Variants in SLC9C1 observed in about 807,000 individuals in gnomAD.
SLC9C1 encodes the protein solute carrier family 9 member C1.
Under a neutral mutation model 140.9 loss-of-function variants are expected in SLC9C1, and 97 were observed. The ratio of observed to expected loss-of-function variants is 0.69; its 90% CI spans 0.58 to 0.82. The LOEUF (loss-of-function observed/expected upper bound fraction) is 0.82. SLC9C1 is among the 40% of genes least tolerant of loss of function. The pLI is 0.00. For missense variants in SLC9C1, 1,340 were observed against 1,389.3 expected (o/e 0.96, Z 0.56); for synonymous variants, 440 against 442.6 (o/e 0.99, Z 0.07).
chr3:112,207,496 A>G (rs554519494), intron 16 of SLC9C1, among the ~76,000 whole-genome samples: 1 of 152,176 alleles, frequency 6.6e-6, no homozygotes, highest in South Asian at 2.1e-4. Context: ...TTTAATTCAC[A>G]TCTATGTCTC....
chr3:112,218,126 T>C (rs1172017032), intron 14 of SLC9C1, among the ~76,000 whole-genome samples: 2 of 151,562 alleles, frequency 1.3e-5, no homozygotes, highest in Non-Finnish European at 1.5e-5. Context: ...AAGAGCTCAA[T>C]GTCATTTTGG....
At chr3:112,237,645 A>T (rs1000711016) in intron 12 of SLC9C1, among the ~76,000 whole-genome samples, 2 of 152,162 alleles carry the variant, frequency 1.3e-5, no homozygotes, top group African/African-American at 4.8e-5. Flanking sequence ...CTTGTAGGGC[A>T]GGCCTGGTGG....
At chr3:112,233,266 G>T (rs1206784421) in intron 12 of SLC9C1, among the ~76,000 whole-genome samples, 1 of 151,560 alleles carries the variant, frequency 6.6e-6, no homozygotes, top group African/African-American at 2.4e-5. Context: ...CATGGTTTTG[G>T]CATGTTGCCA....
chr3:112,179,650 C>G lies in SLC9C1; in HGVS notation c.2800G>C (p.Glu934Gln), dbSNP rs149952948. ...GTGTCAATTATCGGAAAATCTTTCT[C>G]CTTTGACTCCACCATTTGATCAATC... ...LGIDQMVESKEKDFPIIDTDY... is the reference protein window; with the variant it reads ...LGIDQMVESKQKDFPIIDTDY... Residue 934 changes from glutamate to glutamine, a missense_variant, in exon 23 of 29, where the codon GAG (glutamate) becomes CAG (glutamine). Coordinates refer to ENST00000305815, the MANE Select transcript of SLC9C1 (RefSeq NM_183061.3). 2.5e-6 allele frequency: 4 copies of G among 1,611,274 alleles called. No homozygotes were observed. In the Admixed American group the frequency reaches 6.7e-5, roughly 27 times the overall value.
In SLC9C1 at chr3:112,180,597, T is replaced by A; in HGVS notation, c.2715A>T (p.Lys905Asn). ...TGCCTGAAATAATGATATAGATTCCTTTGGGCTCATCACCTTCTTCAAATA... is the reference window on the plus strand; with the variant it reads ...TGCCTGAAATAATGATATAGATTCCATTGGGCTCATCACCTTCTTCAAATA... The part of the protein sequence containing the change: ...NDIFEEGDEP[K>N]GIYIIISGMV... The change falls in exon 22 of 29, where the codon AAA becomes AAT. Residue 905 changes from lysine to asparagine, a missense_variant. Coordinates refer to ENST00000305815, the MANE Select transcript of SLC9C1 (RefSeq NM_183061.3). The A allele has an allele frequency of 6.2e-7, 1 of 1,613,226 alleles. No individual in the cohort carries two copies. The highest frequency in any genetic ancestry group is 1.1e-5 in the South Asian group (1 of 90,760).
intron 13 of SLC9C1, among the ~76,000 whole-genome samples, chr3:112,227,659 T>G (rs2078717999): frequency 2.0e-5 from 3 of 152,056 alleles, no homozygotes; most frequent in Admixed American, 2.0e-4. Context: ...AATCTTATAT[T>G]TAGGAAAGCT....
rs1560110898 is a variant in SLC9C1, at chr3:112,239,598, A to AATTG, written c.1446+241_1446+242insCAAT. On this transcript the variant is annotated intron_variant, in intron 12 of 28. Coordinates refer to ENST00000305815, the MANE Select transcript of SLC9C1 (RefSeq NM_183061.3). ...GTTCCTATTTGGCCATCTTGGAACC[A>AATTG]TGCCCCCAAAACATATATTTTAAAC... is the stretch of plus-strand genomic sequence containing the variant. Among the ~76,000 whole-genome samples, 143 of 151,858 alleles carry AATTG rather than the reference A, an allele frequency of 9.4e-4. 1 individual carries two copies. In the East Asian group the frequency reaches 0.027, roughly 28 times the overall value.
rs1393592352 is a variant in SLC9C1, at chr3:112,161,251, C to G, written c.3364+5970G>C. ...TTCACTCTGATGGTAGTTTCTTTTG[C>G]TGTGCGGAAGCTCTTTAGTTTAATT... On this transcript the variant is annotated intron_variant, in intron 26 of 28. Coordinates refer to ENST00000305815, the MANE Select transcript of SLC9C1 (RefSeq NM_183061.3). 7.2e-5 allele frequency among the ~76,000 whole-genome samples: 11 copies of G among 152,284 alleles called. No homozygotes were observed. The East Asian group carries it at 2.1e-3, about 29-fold the overall frequency.
intron 20 of SLC9C1, among the ~76,000 whole-genome samples, chr3:112,197,283 C>T (rs2077791421): frequency 6.6e-6 from 1 of 152,078 alleles, no homozygotes; most frequent in Admixed American, 6.6e-5. Context: ...AGTGTTGGCC[C>T]TTTAAATCCT....
At chr3:112,175,552 G>C (rs919677984) in intron 23 of SLC9C1, among the ~76,000 whole-genome samples, 6 of 152,370 alleles carry the variant, frequency 3.9e-5, no homozygotes, top group Admixed American at 3.9e-4. Context: ...GAATAGCTAA[G>C]TTGACCAAAC....
At chr3:112,236,136 T>TA (rs2078979490) in intron 12 of SLC9C1, among the ~76,000 whole-genome samples, 1 of 152,162 alleles carries the variant, frequency 6.6e-6, no homozygotes, top group South Asian at 2.1e-4. Flanking sequence ...AATTATTGCT[T>TA]CCATTTCAGA....
intron 28 of SLC9C1, among the ~76,000 whole-genome samples, chr3:112,141,849 AGAC>A (rs2074634653): frequency 6.6e-6 from 1 of 152,164 alleles, no homozygotes; most frequent in South Asian, 2.1e-4. Context: ...GATCTTTTCT[AGAC>A]CCTTTTCATG....
chr3:112,201,188 C>T (rs574463914), intron 18 of SLC9C1, among the ~76,000 whole-genome samples: 1 of 152,112 alleles, frequency 6.6e-6, no homozygotes, highest in East Asian at 1.9e-4. Context: ...TAGGTAGGTA[C>T]TTTCCCATTC....
chr3:112,208,043 T>G (rs1264591023), intron 16 of SLC9C1, 135 bp downstream of exon 16: 1 of 611,108 alleles, frequency 1.6e-6, no homozygotes, highest in Non-Finnish European at 2.7e-6. Context: ...CTTCAAAAAT[T>G]AAAGTTTGGA....
At position 112,151,859 on chromosome 3, in the gene SLC9C1, G is replaced by T; in HGVS notation, c.3522C>A (p.Val1174=). 1 of 1,612,010 alleles carries T rather than the reference G, an allele frequency of 6.2e-7. No individual in the cohort carries two copies. The highest frequency in any genetic ancestry group is 1.1e-5 in the South Asian group (1 of 90,586). ...KESPRINLRK[V]RKE ...TTGAGGAAACCAGAGTGGCTTACCT[G>T]ACTTTCCTTAGGTTTATTCTAGGGG... is the stretch of plus-strand genomic sequence containing the variant. The change falls in exon 28 of 29, where the codon GTC becomes GTA. Residue 1174 remains valine, a splice_region_variant and synonymous_variant. Coordinates refer to ENST00000305815, the MANE Select transcript of SLC9C1 (RefSeq NM_183061.3).
chr3:112,145,588 G>GTTTT (rs1250488309), intron 28 of SLC9C1, among the ~76,000 whole-genome samples: 1 of 18,416 alleles, frequency 5.4e-5, no homozygotes, highest in African/African-American at 2.2e-4. Flanking sequence ...CCTGCCCTTG[G>GTTTT]CTTTTTTTTT....
intron 19 of SLC9C1, 118 bp from the exon 20 acceptor site, chr3:112,199,587 A>ACATTTCTCTG: frequency 1.5e-6 from 1 of 678,956 alleles, no homozygotes; most frequent in Non-Finnish European, 2.2e-6. Context: ...ACACAGAGAA[A>ACATTTCTCTG]TGTATCTCTT....
intron 25 of SLC9C1, 131 bp downstream of exon 25, chr3:112,168,746 A>G: frequency 2.4e-6 from 2 of 844,028 alleles, no homozygotes; most frequent in Admixed American, 3.0e-5. Flanking sequence ...GTGAGTGTTT[A>G]TGGAGTGGTG....
At chr3:112,284,931 T>A (rs183093528) in intron 2 of SLC9C1, among the ~76,000 whole-genome samples, 571 of 151,460 alleles carry the variant, frequency 3.8e-3, no homozygotes, top group African/African-American at 0.013. Context: ...AAAGTTTTAT[T>A]AAGTATACTA....
Sources: allele counts gnomAD v4.1 joint callset (sites outside exome capture counted in the v4.1 genomes callset), GRCh38; gene constraint gnomAD v4.1.1; transcripts MANE v1.5; gene names NCBI Gene and HGNC (gene_info 2026-07-23, HGNC 2026-07-21).